The following TAMM41 variants were observed in gnomAD, a reference collection of about 807,000 sequenced individuals.
TAMM41 encodes the protein TAM41 mitochondrial translocator assembly and maintenance homolog, also known as phosphatidate cytidylyltransferase, mitochondrial.
A neutral mutation model predicts 44.1 loss-of-function variants in TAMM41; 36 were observed. That is an observed-to-expected ratio of 0.82 (90% CI 0.63 to 1.08). The LOEUF is 1.08. TAMM41 is among the 50% of genes least tolerant of loss of function. TAMM41 has a pLI of 0.00. For synonymous variants in TAMM41, 164 were observed against 153.1 expected, an observed-to-expected ratio of 1.07 and a Z score of -0.53; for missense variants, 417 against 404.3, an observed-to-expected ratio of 1.03 and a Z score of -0.27.
At chr3:11,782,741 T>C in the TAMM41 span, among the ~76,000 whole-genome samples, 1 of 152,192 alleles carries the variant, frequency 6.6e-6, no homozygotes, top group African/African-American at 2.4e-5. Flanking sequence ...CTGTGAAACT[T>C]TAGTTTACTC....
the TAMM41 span, among the ~76,000 whole-genome samples, chr3:11,763,424 G>A: frequency 6.6e-6 from 1 of 152,144 alleles, no homozygotes; most frequent in South Asian, 2.1e-4. Context: ...TTACAGGTGT[G>A]AGCCACCACA....
chr3:11,780,478 G>A, the TAMM41 span, among the ~76,000 whole-genome samples: 3 of 152,194 alleles, frequency 2.0e-5, no homozygotes, highest in Non-Finnish European at 4.4e-5. Context: ...AGACAGTTTA[G>A]TCAAGAGGTT....
Position 11,790,443 on chromosome 3 carries a change from T to G in TAMM41, c.*62A>C. 1 of 1,429,028 alleles carries G rather than the reference T, an allele frequency of 7.0e-7. No homozygotes were observed. The highest frequency in any genetic ancestry group is 9.8e-7 in the Non-Finnish European group (1 of 1,016,946). 88.5% of individuals were successfully genotyped at this position (1,429,028 alleles called of 1,614,324 possible). A position where few individuals can be genotyped will look rare whatever the true frequency, so the allele number is the denominator to read the frequency against. On this transcript the variant is annotated 3_prime_UTR_variant, in exon 8 of 8. Coordinates refer to ENST00000455809, the MANE Select transcript of TAMM41 (RefSeq NM_001284401.2). ...AATGGGTCAAAGTAACAAACACTGT[T>G]CTGTCAAAAAGGATCAAACACTTTA...
chr3:11,818,167 T>C (rs970442610), intron 4 of TAMM41, among the ~76,000 whole-genome samples: 7 of 152,118 alleles, frequency 4.6e-5, no homozygotes, highest in African/African-American at 1.4e-4. Flanking sequence ...GCTGAATCCT[T>C]TGTTGGAGAG....
At position 11,815,677 on chromosome 3, in the gene TAMM41, T is replaced by C. The variant is rs192979053; in HGVS notation, c.708+1515A>G. ...GAAGAGAATGTGTGTGCTAAGTGCATGTGTGTGAGTGTGTAATTGGTATAA... is the reference window on the plus strand; with the variant it reads ...GAAGAGAATGTGTGTGCTAAGTGCACGTGTGTGAGTGTGTAATTGGTATAA... On this transcript the variant is annotated intron_variant, in intron 5 of 7. Coordinates refer to ENST00000455809, the MANE Select transcript of TAMM41 (RefSeq NM_001284401.2). Among the ~76,000 whole-genome samples the C allele has an allele frequency of 6.2e-4, 94 of 152,170 alleles. 1 individual carries two copies. The highest frequency in any genetic ancestry group is 2.2e-3 in the African/African-American group (91 of 41,526).
At chr3:11,805,292 A>C (rs1017933834) in intron 7 of TAMM41, among the ~76,000 whole-genome samples, 1 of 151,838 alleles carries the variant, frequency 6.6e-6, no homozygotes, top group Non-Finnish European at 1.5e-5. Flanking sequence ...ATGAGTCACC[A>C]CATCCAGCCT....
intron 3 of TAMM41, among the ~76,000 whole-genome samples, chr3:11,837,974 C>T (rs1559324639): frequency 6.6e-6 from 1 of 152,320 alleles, no homozygotes; most frequent in East Asian, 1.9e-4. Context: ...TTCTCCAGCC[C>T]TCCAGACACC....
At chr3:11,817,019 T>C (rs1023902814) in intron 5 of TAMM41, 173 bp downstream of exon 5, 13 of 615,620 alleles carry the variant, frequency 2.1e-5, no homozygotes, top group Non-Finnish European at 3.3e-5. Flanking sequence ...TTATTACTAG[T>C]CTGTTACCTT....
intron 4 of TAMM41, among the ~76,000 whole-genome samples, chr3:11,819,452 C>G (rs2078422908): frequency 6.6e-6 from 1 of 152,184 alleles, no homozygotes; most frequent in African/African-American, 2.4e-5. Context: ...CTCACTGAAG[C>G]ACTACTTATA....
At chr3:11,764,493 T>TTTTTTTTTTC in the TAMM41 span, among the ~76,000 whole-genome samples, 1 of 120,940 alleles carries the variant, frequency 8.3e-6, no homozygotes, top group Non-Finnish European at 1.7e-5. Flanking sequence ...ATTCTTTTTT[T>TTTTTTTTTTC]TTTTTTTTTT....
intron 2 of TAMM41, among the ~76,000 whole-genome samples, chr3:11,839,517 A>G (rs1006229508): frequency 2.0e-5 from 3 of 152,146 alleles, no homozygotes; most frequent in African/African-American, 7.2e-5. Flanking sequence ...TTTAGCCCCT[A>G]GGGTATGTAA....
At chr3:11,734,035 A>G in the TAMM41 span, among the ~76,000 whole-genome samples, 1 of 152,148 alleles carries the variant, frequency 6.6e-6, no homozygotes, top group African/African-American at 2.4e-5. Flanking sequence ...ACAACACTTT[A>G]TATTCCATTG....
chr3:11,757,654 T>C, the TAMM41 span, among the ~76,000 whole-genome samples: 2 of 152,252 alleles, frequency 1.3e-5, no homozygotes, highest in Admixed American at 1.3e-4. Context: ...CCTGATGAAC[T>C]GCCGGCCACA....
At chr3:11,778,833 A>G in the TAMM41 span, among the ~76,000 whole-genome samples, 22 of 152,204 alleles carry the variant, frequency 1.4e-4, no homozygotes, top group African/African-American at 5.3e-4. Context: ...CCTATTTTTA[A>G]TAAGGTTGTC....
chr3:11,827,314 T>C (rs2078794467), intron 4 of TAMM41, among the ~76,000 whole-genome samples: 1 of 151,490 alleles, frequency 6.6e-6, no homozygotes, highest in Non-Finnish European at 1.5e-5. Context: ...CTTTTCTTTT[T>C]TTTTTTTTGA....
At chr3:11,768,188 G>A in the TAMM41 span, among the ~76,000 whole-genome samples, 4 of 151,756 alleles carry the variant, frequency 2.6e-5, no homozygotes, top group African/African-American at 9.7e-5. Flanking sequence ...CCTGGCTGGA[G>A]TGTAGTGGCG....
intron 3 of TAMM41, chr3:11,830,963 T>C (rs1238165690): frequency 1.3e-5 from 2 of 152,112 alleles, no homozygotes; most frequent in African/African-American, 4.8e-5. Context: ...AAGAGATGTG[T>C]TCAAATGCCA....
intron 5 of TAMM41, among the ~76,000 whole-genome samples, chr3:11,814,185 T>C (rs1488903580): frequency 6.6e-6 from 1 of 151,736 alleles, no homozygotes; most frequent in Non-Finnish European, 1.5e-5. Flanking sequence ...CTCAAATTGA[T>C]TAATTCATTA....
At chr3:11,787,960 G>T (rs535878622), downstream of TAMM41, among the ~76,000 whole-genome samples, 1 of 152,320 alleles carries the variant, frequency 6.6e-6, no homozygotes, top group South Asian at 2.1e-4. Flanking sequence ...TGAGGAAAAG[G>T]AAGAATACAT....
Sources: allele counts gnomAD v4.1 joint callset (sites outside exome capture counted in the v4.1 genomes callset), GRCh38; gene constraint gnomAD v4.1.1; transcripts MANE v1.5; gene names NCBI Gene and HGNC (gene_info 2026-07-23, HGNC 2026-07-21).